Variants in RYR2 observed in about 807,000 individuals in gnomAD.
The protein encoded by RYR2 is ryanodine receptor 2.
RYR2 carries 227 observed loss-of-function variants against 601.1 expected under a neutral mutation model. The observed-to-expected ratio is 0.38, with a 90% CI of 0.34 to 0.42. RYR2 has a LOEUF of 0.42. Ranked by LOEUF, RYR2 falls within the 10% of genes least tolerant of loss-of-function variation. The probability of loss-of-function intolerance (pLI) is 1.00; values close to 1 mark genes in which losing one functional copy is unlikely to be tolerated. For synonymous variants in RYR2, 2,223 were observed against 2,175.1 expected (o/e 1.02, Z -0.61); for missense variants, 4,646 against 6,156.5 (o/e 0.75, Z 8.21).
chr1:237,119,093 G>C (rs747912018), intron 1 of RYR2, among the ~76,000 whole-genome samples: 1 of 152,108 alleles, frequency 6.6e-6, no homozygotes. Flanking sequence ...ATTGCAGATG[G>C]GGTCTTTAAA....
intron 33 of RYR2, among the ~76,000 whole-genome samples, chr1:237,594,921 T>TTTTTTTTTTTTC (rs1675710972): frequency 1.3e-5 from 1 of 76,170 alleles, no homozygotes; most frequent in Non-Finnish European, 3.2e-5. Context: ...TTTTTTTTTT[T>TTTTTTTTTTTTC]TTTTTTTTTT....
At chr1:237,757,611 A>G in intron 81 of RYR2, 86 bp from the exon 82 acceptor site, 2 of 869,194 alleles carry the variant, frequency 2.3e-6, no homozygotes, top group Admixed American at 1.8e-5. Flanking sequence ...CATAATAATA[A>G]TTTTAAAAGT....
At chr1:237,301,922 C>T (rs1204872916) in intron 2 of RYR2, among the ~76,000 whole-genome samples, 1 of 152,128 alleles carries the variant, frequency 6.6e-6, no homozygotes, top group Non-Finnish European at 1.5e-5. Flanking sequence ...CCAGTAGCCT[C>T]ACCTGTTAAG....
chr1:237,351,112 A>G (rs1220803342), intron 3 of RYR2, among the ~76,000 whole-genome samples: 2 of 152,150 alleles, frequency 1.3e-5, no homozygotes, highest in Non-Finnish European at 2.9e-5. Flanking sequence ...TTGCAAATCC[A>G]TAAGCCTATG....
intron 79 of RYR2, among the ~76,000 whole-genome samples, chr1:237,739,150 A>G (rs954382383): frequency 6.6e-6 from 1 of 152,226 alleles, no homozygotes; most frequent in South Asian, 2.1e-4. Flanking sequence ...TGAGTACAGC[A>G]TCTGCTCTAA....
At chr1:237,832,463 G>C (rs995564676) in intron 104 of RYR2, 89 bp from the exon 105 acceptor site, 1 of 759,054 alleles carries the variant, frequency 1.3e-6, no homozygotes, top group East Asian at 2.6e-5. Flanking sequence ...TATTCCGTGC[G>C]ATATAGGTAA....
At chr1:237,427,234 A>G (rs1288124782) in intron 12 of RYR2, among the ~76,000 whole-genome samples, 1 of 152,222 alleles carries the variant, frequency 6.6e-6, no homozygotes, top group Non-Finnish European at 1.5e-5. Context: ...CATGCAGACA[A>G]TGAGGAAAAT....
chr1:237,044,956 C>CTTTT (rs4006366), intron 1 of RYR2, among the ~76,000 whole-genome samples: 3 of 144,576 alleles, frequency 2.1e-5, no homozygotes, highest in Non-Finnish European at 4.5e-5. Context: ...TCTTCTTCTT[C>CTTTT]TTTTTTTTTT....
At chr1:237,383,417 GTTTTTTTTTTTTTTTTTT>G (rs10567644) in intron 8 of RYR2, among the ~76,000 whole-genome samples, 2 of 50,560 alleles carry the variant, frequency 4.0e-5, no homozygotes, top group African/African-American at 7.4e-5. Flanking sequence ...CTTTTTTCTT[GTTTTTTTTTTTTTTTTTT>G]TTTTTTTTTT....
At chr1:237,566,363 C>G (rs1672083976) in intron 27 of RYR2, among the ~76,000 whole-genome samples, 1 of 152,146 alleles carries the variant, frequency 6.6e-6, no homozygotes, top group South Asian at 2.1e-4. Context: ...TTCCACTTCA[C>G]CCAGCTGGTC....
intron 1 of RYR2, among the ~76,000 whole-genome samples, chr1:237,144,811 C>T (rs1036537922): frequency 6.6e-6 from 1 of 152,168 alleles, no homozygotes; most frequent in African/African-American, 2.4e-5. Context: ...GTAACATATA[C>T]TTAAGTTATA....
chr1:237,789,154 A>G (rs894050339), intron 92 of RYR2, among the ~76,000 whole-genome samples: 6 of 152,072 alleles, frequency 3.9e-5, no homozygotes, highest in Admixed American at 3.9e-4. Flanking sequence ...TAGACCTAGA[A>G]TTTAAGAACA....
chr1:237,803,544 A>C (rs185598530), intron 98 of RYR2, among the ~76,000 whole-genome samples: 2,079 of 151,990 alleles, frequency 0.014, 21 homozygotes, highest in African/African-American at 0.031. Context: ...TCGTGAACCG[A>C]CCGCCTTGGC....
intron 2 of RYR2, among the ~76,000 whole-genome samples, chr1:237,291,206 T>C (rs1425892283): frequency 6.6e-6 from 1 of 152,010 alleles, no homozygotes; most frequent in Non-Finnish European, 1.5e-5. Flanking sequence ...CATGTCAATG[T>C]TATTTTTTGT....
At chr1:237,271,859 G>A (rs1386160250) in intron 2 of RYR2, among the ~76,000 whole-genome samples, 1 of 152,108 alleles carries the variant, frequency 6.6e-6, no homozygotes, top group Non-Finnish European at 1.5e-5. Flanking sequence ...CTCCAGGCAC[G>A]GTGTCTCATG....
intron 1 of RYR2, among the ~76,000 whole-genome samples, chr1:237,217,674 C>T (rs1417677126): frequency 1.4e-5 from 2 of 147,596 alleles, no homozygotes; most frequent in Non-Finnish European, 3.0e-5. Flanking sequence ...TTCCAAGGTA[C>T]TGAGTAGGCA....
chr1:237,490,948 A>G (rs920687098), intron 17 of RYR2, among the ~76,000 whole-genome samples: 6 of 152,156 alleles, frequency 3.9e-5, no homozygotes, highest in African/African-American at 1.4e-4. Flanking sequence ...CTTAGAGGTG[A>G]TGTTTTCTGT....
intron 86 of RYR2, among the ~76,000 whole-genome samples, chr1:237,772,898 A>G (rs1036668940): frequency 2.6e-5 from 4 of 152,192 alleles, no homozygotes; most frequent in African/African-American, 4.8e-5. Flanking sequence ...TCACAGCTCA[A>G]CTAAATTGGA....
At chr1:237,217,573 G>C (rs181737003) in intron 1 of RYR2, among the ~76,000 whole-genome samples, 1 of 152,168 alleles carries the variant, frequency 6.6e-6, no homozygotes, top group Non-Finnish European at 1.5e-5. Context: ...ATAGCACCAA[G>C]TTCATAGGAC....
Sources: allele counts gnomAD v4.1 joint callset (sites outside exome capture counted in the v4.1 genomes callset), GRCh38; gene constraint gnomAD v4.1.1; transcripts MANE v1.5; gene names NCBI Gene and HGNC (gene_info 2026-07-23, HGNC 2026-07-21).